MGAT4C: variants seen among roughly 807,000 people sequenced by gnomAD.
The protein encoded by MGAT4C is MGAT4 family member C, also known as alpha-1,3-mannosyl-glycoprotein 4-beta-N-acetylglucosaminyltransferase C.
A neutral mutation model predicts 40.1 loss-of-function variants in MGAT4C; 19 were observed. That is an observed-to-expected ratio of 0.47 (90% CI 0.33 to 0.70). The LOEUF (loss-of-function observed/expected upper bound fraction) is 0.70, where lower values mean the gene tolerates loss of function less well. Ranked by LOEUF, MGAT4C falls within the 30% of genes least tolerant of loss-of-function variation. MGAT4C has a pLI of 0.02. For missense variants in MGAT4C, 491 were observed against 563.2 expected (o/e 0.87, Z 1.30); for synonymous variants, 181 against 187.1 (o/e 0.97, Z 0.27).
At chr12:86,504,150 A>T (rs1958427925) in intron 2 of MGAT4C, among the ~76,000 whole-genome samples, 1 of 152,030 alleles carries the variant, frequency 6.6e-6, no homozygotes, top group African/African-American at 2.4e-5. Context: ...CAGAATGGCA[A>T]AAATTAAAAA....
chr12:86,750,454 C>G (rs1951217477), intron 1 of MGAT4C, among the ~76,000 whole-genome samples: 1 of 151,802 alleles, frequency 6.6e-6, no homozygotes, highest in Admixed American at 6.6e-5. Flanking sequence ...TTTGACTCAC[C>G]TCCAAGGCAT....
intron 3 of MGAT4C, among the ~76,000 whole-genome samples, chr12:86,404,998 T>C (rs1956436232): frequency 6.6e-6 from 1 of 152,054 alleles, no homozygotes. Context: ...TAAAACTAGA[T>C]ATTCCATCTC....
chr12:86,187,092 C>T (rs1888847771), intron 1 of MGAT4C, among the ~76,000 whole-genome samples: 1 of 151,970 alleles, frequency 6.6e-6, no homozygotes, highest in Non-Finnish European at 1.5e-5. Context: ...TTTTCATGCT[C>T]TATACGAGGC....
intron 2 of MGAT4C, among the ~76,000 whole-genome samples, chr12:86,687,193 C>T (rs1368893487): frequency 2.6e-5 from 4 of 152,078 alleles, no homozygotes; most frequent in Non-Finnish European, 5.9e-5. Context: ...GTTGATATCC[C>T]CTTTTTCATT....
chr12:86,378,914 T>C (rs1028905894), intron 3 of MGAT4C, among the ~76,000 whole-genome samples: 5 of 152,150 alleles, frequency 3.3e-5, no homozygotes, highest in African/African-American at 1.2e-4. Flanking sequence ...TTCTGCTATC[T>C]TTTGCCTGGT....
chr12:86,135,677 C>G (rs1414205931), intron 1 of MGAT4C, among the ~76,000 whole-genome samples: 1 of 152,122 alleles, frequency 6.6e-6, no homozygotes, highest in Non-Finnish European at 1.5e-5. Flanking sequence ...TACATAGTGT[C>G]CTAAACTACA....
intron 1 of MGAT4C, among the ~76,000 whole-genome samples, chr12:86,121,247 GA>G: frequency 6.6e-6 from 1 of 152,306 alleles, no homozygotes; most frequent in South Asian, 2.1e-4. Flanking sequence ...GGGACTATGT[GA>G]AAAGACCAAA....
intron 2 of MGAT4C, among the ~76,000 whole-genome samples, chr12:86,488,185 G>A (rs1317448953): frequency 1.3e-5 from 2 of 150,350 alleles, no homozygotes; most frequent in African/African-American, 4.9e-5. Flanking sequence ...ACAACATAGT[G>A]AATTCTCAGT....
At chr12:86,572,441 A>G (rs1352975767) in intron 2 of MGAT4C, among the ~76,000 whole-genome samples, 1 of 152,042 alleles carries the variant, frequency 6.6e-6, no homozygotes, top group African/African-American at 2.4e-5. Context: ...ATTAATATAC[A>G]TAACCCTGAT....
intron 3 of MGAT4C, among the ~76,000 whole-genome samples, chr12:86,427,251 A>G (rs1185934179): frequency 6.6e-6 from 1 of 152,126 alleles, no homozygotes; most frequent in Non-Finnish European, 1.5e-5. Context: ...ATTTCATATT[A>G]CTGTTGCTCT....
intron 1 of MGAT4C, among the ~76,000 whole-genome samples, chr12:86,774,191 T>G (rs1377067287): frequency 1.3e-5 from 2 of 151,842 alleles, no homozygotes; most frequent in Non-Finnish European, 2.9e-5. Flanking sequence ...TGACCTCGAG[T>G]GATCTGTCCA....
intron 2 of MGAT4C, among the ~76,000 whole-genome samples, chr12:86,535,590 T>A (rs1318739441): frequency 6.6e-6 from 1 of 152,060 alleles, no homozygotes; most frequent in African/African-American, 2.4e-5. Context: ...TTTTATCAGC[T>A]TGCCAAAAAG....
In MGAT4C at chr12:86,407,065, T is replaced by C. The variant is rs566323496; in HGVS notation, c.-120+28092A>G. Among the ~76,000 whole-genome samples, 3 of 152,272 alleles carry C rather than the reference T, an allele frequency of 2.0e-5. No homozygotes were observed. The South Asian group carries it at 6.2e-4, about 32-fold the overall frequency. On this transcript the variant is annotated intron_variant, in intron 3 of 7. Coordinates refer to the MGAT4C transcript ENST00000548651. ...CCCATGATTTCCCCTATGGATTGAA[T>C]TAATTTGCCATGAAGTCTCGCAGAA...
intron 2 of MGAT4C, among the ~76,000 whole-genome samples, chr12:86,043,073 G>A (rs761601003): frequency 2.6e-5 from 4 of 152,028 alleles, no homozygotes; most frequent in African/African-American, 9.7e-5. Context: ...ATCTTATGTA[G>A]TATCTCACAA....
intron 1 of MGAT4C, among the ~76,000 whole-genome samples, chr12:86,787,944 G>A (rs1409185267): frequency 6.6e-6 from 1 of 152,046 alleles, no homozygotes; most frequent in Non-Finnish European, 1.5e-5. Context: ...GGAAAGTGTG[G>A]ACTGTGTTTA....
chr12:86,325,392 A>T (rs1421298230), intron 4 of MGAT4C, among the ~76,000 whole-genome samples: 1 of 146,592 alleles, frequency 6.8e-6, no homozygotes, highest in Non-Finnish European at 1.6e-5. Context: ...AGTGAAAAAC[A>T]AAACAAAACC....
At chr12:86,340,174 C>T (rs1215797878) in intron 3 of MGAT4C, among the ~76,000 whole-genome samples, 1 of 152,094 alleles carries the variant, frequency 6.6e-6, no homozygotes, top group African/African-American at 2.4e-5. Context: ...TTATTTCAGT[C>T]AGATATTAAG....
rs1225364908 is a variant in MGAT4C, at chr12:86,307,672, CTTGT to C, written c.-57+26389_-57+26392del. Among the ~76,000 whole-genome samples, 11 of 150,246 alleles carry C rather than the reference CTTGT, an allele frequency of 7.3e-5. 2 individuals are homozygous for C. The highest frequency in any genetic ancestry group is 2.3e-4 in the African/African-American group (9 of 39,846). On this transcript the variant is annotated intron_variant, in intron 4 of 7. Coordinates refer to the MGAT4C transcript ENST00000548651. ...TTTTAAAGGCAGTATTTTTCAGGGG[CTTGT>C]TTGAGTACAATTTCTTTCTTTTATT...
intron 3 of MGAT4C, among the ~76,000 whole-genome samples, chr12:86,408,840 C>T (rs1956543541): frequency 6.6e-6 from 1 of 151,850 alleles, no homozygotes; most frequent in Admixed American, 6.6e-5. Flanking sequence ...CAGCTATTCC[C>T]TTGTTCATTT....
Sources: allele counts gnomAD v4.1 joint callset (sites outside exome capture counted in the v4.1 genomes callset), GRCh38; gene constraint gnomAD v4.1.1; transcripts MANE v1.5; gene names NCBI Gene and HGNC (gene_info 2026-07-23, HGNC 2026-07-21).